TRIM23: variants seen among roughly 807,000 people sequenced by gnomAD.
The protein encoded by TRIM23 is E3 ubiquitin-protein ligase TRIM23.
In TRIM23, 27 loss-of-function variants were observed where a neutral mutation model predicts 71.0. That is an observed-to-expected ratio of 0.38 (90% confidence interval 0.28 to 0.52). The LOEUF (loss-of-function observed/expected upper bound fraction) is 0.52, where lower values mean the gene tolerates loss of function less well. Among genes scored for constraint, TRIM23 ranks in the 20% least tolerant of loss-of-function variants. The probability of loss-of-function intolerance (pLI) is 0.84; values close to 1 mark genes in which losing one functional copy is unlikely to be tolerated. For missense variants in TRIM23, 482 were observed against 692.3 expected, an observed-to-expected ratio of 0.70 and a Z score of 3.41; for synonymous variants, 234 against 238.0, an observed-to-expected ratio of 0.98 and a Z score of 0.16.
chr5:65,608,867 G>A (rs1262018128), intron 6 of TRIM23, among the ~76,000 whole-genome samples: 1 of 151,230 alleles, frequency 6.6e-6, no homozygotes, highest in Non-Finnish European at 1.5e-5. Flanking sequence ...TCAAAGAAAG[G>A]CAAATATTTA....
chr5:65,616,703 T>C lies in TRIM23; in HGVS notation c.244+1390A>G, dbSNP rs185168953. On this transcript the variant is annotated intron_variant, in intron 2 of 10. Coordinates refer to ENST00000231524, the MANE Select transcript of TRIM23 (RefSeq NM_001656.4). Reference sequence around the variant, plus strand: ...CTATTCTCTATTTGAAAAACATTACTATTTCTTTAAGCATAGTTTTTTTGT... The same window carrying C: ...CTATTCTCTATTTGAAAAACATTACCATTTCTTTAAGCATAGTTTTTTTGT... Among the ~76,000 whole-genome samples, 7 of 151,486 alleles carry C rather than the reference T, an allele frequency of 4.6e-5. No individual in the cohort carries two copies. In the East Asian group the frequency reaches 1.4e-3, roughly 29 times the overall value.
At chr5:65,624,064 TA>T in intron 1 of TRIM23, 129 bp downstream of exon 1, 1 of 1,024,856 alleles carries the variant, frequency 9.8e-7, no homozygotes, top group Non-Finnish European at 1.4e-6. Context: ...ACGAGACTTG[TA>T]ATGCCAAAAG....
chr5:65,614,072 A>C (rs1754719715), intron 3 of TRIM23, 26 bp downstream of exon 3: 1 of 1,601,654 alleles, frequency 6.2e-7, no homozygotes, highest in African/African-American at 1.3e-5. Context: ...GCTCGTAACA[A>C]ATATTTCACC....
Position 65,590,917 on chromosome 5 carries a change from T to C in TRIM23, c.*852A>G, listed in dbSNP as rs2150616947. 1 of 985,244 alleles carries C rather than the reference T, an allele frequency of 1.0e-6. No individual in the cohort carries two copies. The highest frequency in any genetic ancestry group is 1.2e-6 in the Non-Finnish European group (1 of 829,758). The allele number at this position is 985,244 out of a possible 1,614,324, so 61.0% of individuals were successfully genotyped here. ...TGCGTTACTTACTACATTTTACCTA[T>C]AGTCATTCCCACAAAGGATGCAATA... On this transcript the variant is annotated 3_prime_UTR_variant, in exon 11 of 11. Coordinates refer to ENST00000231524, the MANE Select transcript of TRIM23 (RefSeq NM_001656.4).
chr5:65,596,649 T>C (rs1754214483), intron 8 of TRIM23, 118 bp from the exon 9 acceptor site: 3 of 666,370 alleles, frequency 4.5e-6, no homozygotes, highest in Admixed American at 5.5e-5. Context: ...CATGCAGCAA[T>C]ATCTACTGAA....
intron 1 of TRIM23, among the ~76,000 whole-genome samples, chr5:65,622,516 T>C (rs769540711): frequency 6.6e-6 from 1 of 152,246 alleles, no homozygotes; most frequent in Admixed American, 6.5e-5. Flanking sequence ...TTTTCTCTAA[T>C]GATAAAAGCC....
chr5:65,605,010 A>G lies in TRIM23; in HGVS notation c.1080T>C (p.Ile360=), dbSNP rs369067467. The G allele has an allele frequency of 1.4e-5, 23 of 1,613,688 alleles. No homozygotes were observed. The highest frequency in any genetic ancestry group is 2.2e-5 in the East Asian group (1 of 44,878). The change falls in exon 7 of 11, where the codon ATT becomes ATC. Residue 360 remains isoleucine, a synonymous_variant. Coordinates refer to ENST00000231524, the MANE Select transcript of TRIM23 (RefSeq NM_001656.4). ...TCTGCAATGTTTCCAGTAACCTTGT[A>G]ATTTCCTGTTTTGCCAAGACAACTC... ...DCRVVLAKQE[I]TRLLETLQKQ...
At chr5:65,596,621 G>T in intron 8 of TRIM23, 90 bp from the exon 9 acceptor site, 1 of 771,020 alleles carries the variant, frequency 1.3e-6, no homozygotes, top group Non-Finnish European at 2.1e-6. Flanking sequence ...TTATAACTGT[G>T]ACTTATCAAA....
At position 65,590,829 on chromosome 5, in the gene TRIM23, A is replaced by C; in HGVS notation, c.*940T>G. 3.0e-6 allele frequency: 3 copies of C among 985,554 alleles called. No individual in the cohort carries two copies. The highest frequency in any genetic ancestry group is 3.6e-6 in the Non-Finnish European group (3 of 830,032). 61.1% of individuals were successfully genotyped at this position (985,554 alleles called of 1,614,324 possible). On this transcript the variant is annotated 3_prime_UTR_variant, in exon 11 of 11. Transcript: ENST00000231524. ...ATAAGCATTTGCCACTGTACTTACA[A>C]CTTCTCTTGAAGTTCGCTTTCTATT...
In TRIM23 at chr5:65,591,547, G is replaced by T; in HGVS notation, c.*222C>A. On this transcript the variant is annotated 3_prime_UTR_variant, in exon 11 of 11. Transcript: ENST00000231524. ...TTTTAAAAGAATGTATATTCAATAA[G>T]TTTCTATTTAATTCAATCTAATCTG... The T allele has an allele frequency of 6.9e-7, 1 of 1,454,918 alleles. No individual in the cohort carries two copies. Among genetic ancestry groups the T allele is most frequent in the Non-Finnish European group, 9.2e-7 (1 of 1,088,448 alleles). 90.1% of individuals were successfully genotyped at this position (1,454,918 alleles called of 1,614,324 possible). A position where few individuals can be genotyped will look rare whatever the true frequency, so the allele number is the denominator to read the frequency against.
chr5:65,607,718 C>T (rs1478622250), intron 6 of TRIM23, among the ~76,000 whole-genome samples: 1 of 152,148 alleles, frequency 6.6e-6, no homozygotes, highest in Non-Finnish European at 1.5e-5. Context: ...TAACTATGAA[C>T]AAACTTTTTC....
intron 7 of TRIM23, among the ~76,000 whole-genome samples, chr5:65,600,687 C>T (rs1437433838): frequency 1.4e-5 from 2 of 138,212 alleles, no homozygotes; most frequent in Non-Finnish European, 3.1e-5. Context: ...CATAAAATGA[C>T]AAAATCAACA....
intron 1 of TRIM23, among the ~76,000 whole-genome samples, chr5:65,618,800 A>AG (rs1191534415): frequency 6.6e-6 from 1 of 152,238 alleles, no homozygotes; most frequent in Non-Finnish European, 1.5e-5. Flanking sequence ...AGGCAAAAAA[A>AG]GCAATCATCT....
At chr5:65,600,836 G>A (rs1335856324) in intron 7 of TRIM23, among the ~76,000 whole-genome samples, 9 of 151,978 alleles carry the variant, frequency 5.9e-5, no homozygotes, top group Non-Finnish European at 1.2e-4. Flanking sequence ...GTGAGCGAAG[G>A]ACAGAAATAG....
Position 65,611,825 on chromosome 5 carries a change from C to T in TRIM23, c.423G>A (p.Val141=), listed in dbSNP as rs1473873254. Residue 141 remains valine, a synonymous_variant, in exon 4 of 11, where the codon GTG becomes GTA. Transcript: ENST00000231524. ...EAHLASVYCT[V]CATHLCSECS... ...ACTCAGAGCACAAATGAGTTGCACA[C>T]ACAGTGCAATATACAGAGGCAAGGT... 6.2e-7 allele frequency: 1 copy of T among 1,613,958 alleles called. No individual in the cohort carries two copies. Among genetic ancestry groups the T allele is most frequent in the Non-Finnish European group, 8.5e-7 (1 of 1,179,932 alleles).
chr5:65,595,657 CAG>C (rs1429725856), intron 9 of TRIM23, among the ~76,000 whole-genome samples: 2 of 151,128 alleles, frequency 1.3e-5, no homozygotes, highest in East Asian at 3.9e-4. Context: ...GCCCAGGAGA[CAG>C]AGGTGACCAT....
At chr5:65,608,787 CT>C (rs1754569383) in intron 6 of TRIM23, among the ~76,000 whole-genome samples, 1 of 152,040 alleles carries the variant, frequency 6.6e-6, no homozygotes, top group Admixed American at 6.6e-5. Flanking sequence ...TGAAGAACCA[CT>C]GAATTATAGC....
At chr5:65,600,235 G>C (rs1754324364) in intron 7 of TRIM23, among the ~76,000 whole-genome samples, 1 of 152,098 alleles carries the variant, frequency 6.6e-6, no homozygotes, top group Non-Finnish European at 1.5e-5. Flanking sequence ...ATTACAACTG[G>C]AAATGAGATT....
At chr5:65,603,388 A>G (rs1389947844) in intron 7 of TRIM23, among the ~76,000 whole-genome samples, 2 of 152,196 alleles carry the variant, frequency 1.3e-5, no homozygotes, top group African/African-American at 2.4e-5. Flanking sequence ...GTCACTTTCT[A>G]CTGCTACAGA....
Sources: gnomAD v4.1 joint callset for allele counts (sites outside exome capture counted in the v4.1 genomes callset) on GRCh38, gnomAD v4.1.1 for gene constraint, MANE v1.5 for transcripts, NCBI Gene and HGNC (gene_info 2026-07-23, HGNC 2026-07-21) for gene names.